Variants in SERPINB10 observed in about 807,000 individuals in gnomAD.
The protein encoded by SERPINB10 is serpin family B member 10, also known as serpin B10.
Under a neutral mutation model 39.1 loss-of-function variants are expected in SERPINB10, and 35 were observed. That is an observed-to-expected ratio of 0.90 (90% confidence interval 0.68 to 1.19). The LOEUF (loss-of-function observed/expected upper bound fraction) is 1.19, where lower values mean the gene tolerates loss of function less well. Among genes scored for constraint, SERPINB10 ranks in the 50% most tolerant of loss-of-function variants. The pLI, the probability that SERPINB10 is intolerant of heterozygous loss-of-function variation, is 0.00. For synonymous variants in SERPINB10, 190 were observed against 158.1 expected (o/e 1.20, Z -1.52); for missense variants, 546 against 460.5 (o/e 1.19, Z -1.70).
In SERPINB10 at chr18:63,935,139, G is replaced by C; in HGVS notation, c.1091G>C (p.Arg364Thr). ...GSGSEIDIRI[R>T]VPSIEFNANH... ...GGGAGTGAGATAGATATACGAATTA[G>C]AGTCCCATCCATTGAATTCAATGCA... Residue 364 changes from arginine (R) to threonine (T), a missense_variant, in exon 8 of 8, where the codon AGA becomes ACA. Coordinates refer to ENST00000238508, the MANE Select transcript of SERPINB10 (RefSeq NM_005024.3). The C allele has an allele frequency of 6.2e-7, 1 of 1,613,594 alleles. No individual in the cohort carries two copies. Among genetic ancestry groups the C allele is most frequent in the Non-Finnish European group, 8.5e-7 (1 of 1,180,026 alleles).
At chr18:63,910,064 G>C (rs898860405) in intron 1 of SERPINB10, among the ~76,000 whole-genome samples, 1 of 151,902 alleles carries the variant, frequency 6.6e-6, no homozygotes, top group African/African-American at 2.4e-5. Flanking sequence ...TTTATGGCTA[G>C]GGGGGATTCC....
In SERPINB10 at chr18:63,918,067, G is replaced by A. The variant is rs748824926; in HGVS notation, c.337G>A (p.Ala113Thr). ...TGACTACTTACTTAAAACAGCCAATGCGATATATGGAGAGAAAACGTATGC... is the reference window on the plus strand; with the variant it reads ...TGACTACTTACTTAAAACAGCCAATACGATATATGGAGAGAAAACGTATGC... Reference protein sequence around the residue: ...NDDYLLKTANAIYGEKTYAFH... With the variant: ...NDDYLLKTANTIYGEKTYAFH... The change falls in exon 4 of 8, where the codon GCG becomes ACG. Residue 113 changes from alanine (A) to threonine (T), a missense_variant. Physicochemically the swap from Ala to Thr is moderately conservative, Grantham distance 58. Transcript: ENST00000238508. 7 of 1,612,266 alleles carry A rather than the reference G, an allele frequency of 4.3e-6. No individual in the cohort carries two copies. The highest frequency in any genetic ancestry group is 2.2e-5 in the South Asian group (2 of 91,030).
In SERPINB10 at chr18:63,918,023, A is replaced by G; in HGVS notation, c.293A>G (p.Glu98Gly). The change falls in exon 4 of 8, where the codon GAA (glutamate) becomes GGA (glycine). Residue 98 changes from glutamate to glycine, a missense_variant. By Grantham distance (98) the Glu-to-Gly change is moderately conservative (BLOSUM62 -2). Transcript: ENST00000238508. Reference protein sequence around the residue: ...IHSDFQTLISEILKPNDDYLL... With the variant: ...IHSDFQTLISGILKPNDDYLL... ...TCTGATTTCCAAACACTTATCTCAG[A>G]AATCCTCAAGCCCAACGATGACTAC... The G allele has an allele frequency of 6.2e-7, 1 of 1,612,460 alleles. No homozygotes were observed. The highest frequency in any genetic ancestry group is 1.1e-5 in the South Asian group (1 of 91,026).
chr18:63,931,668 C>A (rs1252022350), intron 6 of SERPINB10, among the ~76,000 whole-genome samples: 1 of 149,824 alleles, frequency 6.7e-6, no homozygotes, highest in African/African-American at 2.5e-5. Flanking sequence ...TCTCATATGT[C>A]CCCCCTTCAA....
chr18:63,930,258 T>C, intron 6 of SERPINB10, 71 bp downstream of exon 6: 3 of 1,519,758 alleles, frequency 2.0e-6, no homozygotes, highest in East Asian at 2.3e-5. Flanking sequence ...ATAAATTCAC[T>C]CTTCTTTTAG....
intron 4 of SERPINB10, among the ~76,000 whole-genome samples, chr18:63,919,488 G>A (rs2050130447): frequency 6.6e-6 from 1 of 151,866 alleles, no homozygotes; most frequent in South Asian, 2.1e-4. Flanking sequence ...TTCCATTCTA[G>A]CCTCATTTCA....
At chr18:63,922,251 G>A (rs1179643645) in intron 5 of SERPINB10, among the ~76,000 whole-genome samples, 2 of 151,960 alleles carry the variant, frequency 1.3e-5, no homozygotes, top group East Asian at 3.9e-4. Flanking sequence ...AAAAGCCGTG[G>A]TGAAGCAAGA....
chr18:63,919,937 C>A, intron 5 of SERPINB10, 32 bp downstream of exon 5: 1 of 1,357,534 alleles, frequency 7.4e-7, no homozygotes, highest in Non-Finnish European at 1.0e-6. Context: ...TGGCAGCGTG[C>A]TTTTCCCAAA....
intron 1 of SERPINB10, among the ~76,000 whole-genome samples, chr18:63,912,740 T>C (rs546110155): frequency 9.2e-5 from 14 of 152,196 alleles, no homozygotes; most frequent in African/African-American, 3.4e-4. Context: ...TATAGGTTTC[T>C]TCTTCTATTG....
intron 5 of SERPINB10, among the ~76,000 whole-genome samples, chr18:63,927,634 G>T (rs1313006589): frequency 1.2e-5 from 1 of 81,880 alleles, no homozygotes; most frequent in South Asian, 3.4e-4. Context: ...TTTCCCAAAG[G>T]CCCCACCTGT....
chr18:63,934,488 C>T (rs2050246731), intron 7 of SERPINB10, among the ~76,000 whole-genome samples: 1 of 152,080 alleles, frequency 6.6e-6, no homozygotes, highest in African/African-American at 2.4e-5. Context: ...TGTGCCTTGG[C>T]TTACAACTTG....
At chr18:63,927,948 T>C (rs2050192422) in intron 5 of SERPINB10, among the ~76,000 whole-genome samples, 1 of 152,084 alleles carries the variant, frequency 6.6e-6, no homozygotes, top group Non-Finnish European at 1.5e-5. Flanking sequence ...ACTGTGTGAA[T>C]AGTGTAGAGA....
chr18:63,918,957 C>T (rs1477002066), intron 4 of SERPINB10, among the ~76,000 whole-genome samples: 1 of 143,638 alleles, frequency 7.0e-6, no homozygotes, highest in Non-Finnish European at 1.5e-5. Flanking sequence ...AGGCAGTGGT[C>T]CCTCAAAAAT....
intron 1 of SERPINB10, among the ~76,000 whole-genome samples, chr18:63,913,863 C>T (rs1278790537): frequency 6.6e-6 from 1 of 151,988 alleles, no homozygotes; most frequent in Admixed American, 6.6e-5. Context: ...GTGTTAAAGT[C>T]CCCCACTATT....
Position 63,935,417 on chromosome 18 carries a change from G to GACC in SERPINB10, c.*175_*176insACC. 1.7e-6 allele frequency: 1 copy of GACC among 590,822 alleles called. No homozygotes were observed. Among genetic ancestry groups the GACC allele is most frequent in the East Asian group, 3.0e-5 (1 of 33,236 alleles). 36.6% of individuals were successfully genotyped at this position (590,822 alleles called of 1,614,324 possible). ...CTAATGATCCTGTCATATCTGTACA[G>GACC]CTGGAGAGAATGACGATTTTTATTT... On this transcript the variant is annotated 3_prime_UTR_variant, in exon 8 of 8. Transcript: ENST00000238508.
intron 7 of SERPINB10, among the ~76,000 whole-genome samples, chr18:63,933,917 C>T (rs558815740): frequency 1.7e-4 from 26 of 152,230 alleles, no homozygotes; most frequent in Admixed American, 1.1e-3. Flanking sequence ...TAAGTTTCCA[C>T]GATCCTACTA....
At chr18:63,933,620 G>A (rs1265015762) in intron 7 of SERPINB10, among the ~76,000 whole-genome samples, 1 of 152,162 alleles carries the variant, frequency 6.6e-6, no homozygotes, top group Non-Finnish European at 1.5e-5. Context: ...ATTTGCATTA[G>A]TATACACACA....
intron 4 of SERPINB10, among the ~76,000 whole-genome samples, chr18:63,918,494 A>G (rs1346988255): frequency 1.3e-5 from 2 of 151,972 alleles, no homozygotes; most frequent in Non-Finnish European, 2.9e-5. Context: ...TCTCCTCTTT[A>G]CTAAGGGTTG....
chr18:63,922,667 G>T (rs1257449640), intron 5 of SERPINB10, among the ~76,000 whole-genome samples: 1 of 151,896 alleles, frequency 6.6e-6, no homozygotes, highest in African/African-American at 2.4e-5. Context: ...TCCTTGCCTT[G>T]CTTCCCCAGC....
Sources: allele counts gnomAD v4.1 joint callset (sites outside exome capture counted in the v4.1 genomes callset), GRCh38; gene constraint gnomAD v4.1.1; transcripts MANE v1.5; gene names NCBI Gene and HGNC (gene_info 2026-07-23, HGNC 2026-07-21).